RUBCNL: variants seen among roughly 807,000 people sequenced by gnomAD.
RUBCNL encodes the protein protein associated with UVRAG as autophagy enhancer.
Under a neutral mutation model 69.5 loss-of-function variants are expected in RUBCNL, and 62 were observed. The observed-to-expected ratio is 0.89, with a 90% CI of 0.73 to 1.10. The LOEUF (loss-of-function observed/expected upper bound fraction) is 1.10, where lower values mean the gene tolerates loss of function less well. Among genes scored for constraint, RUBCNL ranks in the 50% least tolerant of loss-of-function variants. The pLI is 0.00. For missense variants in RUBCNL, 768 were observed against 798.1 expected (o/e 0.96, Z 0.45); for synonymous variants, 291 against 303.6 (o/e 0.96, Z 0.43).
chr13:46,351,169 G>A (rs1483673207), intron 10 of RUBCNL, among the ~76,000 whole-genome samples: 1 of 152,116 alleles, frequency 6.6e-6, no homozygotes, highest in African/African-American at 2.4e-5. Flanking sequence ...GGAGGCTAAG[G>A]CAGGAGGATT....
Position 46,340,864 on chromosome 13 carries a change from C to T in RUBCNL, c.*2521G>A, listed in dbSNP as rs1005616446. 1.3e-5 allele frequency among the ~76,000 whole-genome samples: 2 copies of T among 152,166 alleles called. No individual in the cohort carries two copies. The highest frequency in any genetic ancestry group is 2.9e-5 in the Non-Finnish European group (2 of 68,022). On this transcript the variant is annotated 3_prime_UTR_variant, in exon 15 of 15. Coordinates refer to ENST00000429979, the MANE Select transcript of RUBCNL (RefSeq NM_025113.5). ...GCCACCAAGCTATTCTTGAGGGATC[C>T]ACCCGCATGACCCAAACACCTCTTA...
upstream of RUBCNL, chr13:46,387,535 G>A (rs115411822): frequency 1.7e-3 from 1,669 of 985,586 alleles, 29 homozygotes; most frequent in African/African-American, 0.028. Context: ...ACGCAACGAC[G>A]CTTTCAGGGG....
chr13:46,372,617 A>T lies in RUBCNL; in HGVS notation c.-122-20T>A. 7.0e-7 allele frequency: 1 copy of T among 1,431,052 alleles called. No individual in the cohort carries two copies. The highest frequency in any genetic ancestry group is 9.1e-7 in the Non-Finnish European group (1 of 1,096,190). 88.6% of individuals were successfully genotyped at this position (1,431,052 alleles called of 1,614,324 possible). ...GCTATTCTGCAATGAGCAAGGAATC[A>T]TTCAAAATAAGTAAGAATTCAATTG... On this transcript the variant is annotated intron_variant, in intron 2 of 14. Coordinates refer to ENST00000429979, the MANE Select transcript of RUBCNL (RefSeq NM_025113.5).
intron 9 of RUBCNL, 107 bp downstream of exon 9, chr13:46,359,379 T>G: frequency 8.1e-6 from 7 of 866,434 alleles, no homozygotes; most frequent in Non-Finnish European, 9.6e-6. Context: ...AATTTTCCTG[T>G]GTTCTTTAGC....
In RUBCNL at chr13:46,343,508, G is replaced by A; in HGVS notation, c.1877-11C>T. 1 of 1,610,922 alleles carries A rather than the reference G, an allele frequency of 6.2e-7. No homozygotes were observed. Reference sequence around the variant, plus strand: ...AGCAAGCCCTGCACGCTGCAAGCAAGGAAGAGAGCCGTTAGCAAACGGTCT... The same window carrying A: ...AGCAAGCCCTGCACGCTGCAAGCAAAGAAGAGAGCCGTTAGCAAACGGTCT... On this transcript the variant is annotated splice_polypyrimidine_tract_variant and intron_variant, in intron 14 of 14. Coordinates refer to ENST00000429979, the MANE Select transcript of RUBCNL (RefSeq NM_025113.5).
chr13:46,377,529 G>T (rs563589474), intron 2 of RUBCNL, among the ~76,000 whole-genome samples: 1 of 152,178 alleles, frequency 6.6e-6, no homozygotes, highest in South Asian at 2.1e-4. Flanking sequence ...CTTCCAAAGC[G>T]CTGGATTGCA....
intron 13 of RUBCNL, among the ~76,000 whole-genome samples, 177 bp downstream of exon 13, chr13:46,345,270 C>A (rs931827439): frequency 6.6e-6 from 1 of 152,230 alleles, no homozygotes; most frequent in African/African-American, 2.4e-5. Context: ...GGCTCTGCCA[C>A]TTACCAGCAG....
chr13:46,387,541 AG>A, upstream of RUBCNL: 3 of 985,616 alleles, frequency 3.0e-6, no homozygotes, highest in Non-Finnish European at 3.6e-6. Context: ...CGACGCTTTC[AG>A]GGGTCAAAGA....
intron 1 of RUBCNL, 63 bp from the exon 2 acceptor site, chr13:46,378,068 C>T (rs1241141836): frequency 1.5e-5 from 13 of 851,866 alleles, no homozygotes; most frequent in Non-Finnish European, 2.1e-5. Context: ...TTACTTGTTG[C>T]CATATTGTTT....
In RUBCNL at chr13:46,359,589, T is replaced by C. The variant is rs912543941; in HGVS notation, c.1162A>G (p.Met388Val). 12 of 1,593,152 alleles carry C rather than the reference T, an allele frequency of 7.5e-6. No homozygotes were observed. Among genetic ancestry groups the C allele is most frequent in the Non-Finnish European group, 1.0e-5 (12 of 1,168,794 alleles). Reference sequence around the variant, plus strand: ...AATTTAATTTCCTGTACTACATTCATACTGGATTCAAAGTCTTTTCGGACA... The same window carrying C: ...AATTTAATTTCCTGTACTACATTCACACTGGATTCAAAGTCTTTTCGGACA... ...ECVRKDFESS[M>V]NVVQEIKFKS... Residue 388 changes from methionine to valine, a missense_variant, in exon 9 of 15, where the codon ATG (methionine) becomes GTG (valine). Met to Val is a conservative substitution (Grantham distance 21). Coordinates refer to ENST00000429979, the MANE Select transcript of RUBCNL (RefSeq NM_025113.5).
At chr13:46,371,843 G>T in intron 3 of RUBCNL, 98 bp downstream of exon 3, 3 of 1,238,918 alleles carry the variant, frequency 2.4e-6, no homozygotes, top group African/African-American at 1.5e-5. Context: ...ATGAGGCAAT[G>T]CATTGTCCCA....
intron 1 of RUBCNL, among the ~76,000 whole-genome samples, chr13:46,384,579 T>C (rs1446311110): frequency 1.3e-5 from 2 of 152,166 alleles, no homozygotes; most frequent in African/African-American, 4.8e-5. Context: ...AAAAAAAACG[T>C]TGAGGTCTAA....
In RUBCNL at chr13:46,343,194, T is replaced by C. The variant is rs112216638; in HGVS notation, c.*191A>G. On this transcript the variant is annotated 3_prime_UTR_variant, in exon 15 of 15. Transcript: ENST00000429979. ...GAACATTTGTAAACAAAACCACAAC[T>C]ATCAGCCCTGTGCTTAAACACAGAA... 4.4e-6 allele frequency: 4 copies of C among 916,904 alleles called. No homozygotes were observed. Among genetic ancestry groups the C allele is most frequent in the African/African-American group, 1.7e-5 (1 of 59,708 alleles). The allele number at this position is 916,904 out of a possible 1,614,324, so 56.8% of individuals were successfully genotyped here.
rs1385549172 is a variant in RUBCNL at position 46,341,644 on chromosome 13, T to C, written c.*1741A>G. 1.3e-5 allele frequency among the ~76,000 whole-genome samples: 2 copies of C among 152,208 alleles called. No homozygotes were observed. The highest frequency in any genetic ancestry group is 2.4e-5 in the African/African-American group (1 of 41,450). On this transcript the variant is annotated 3_prime_UTR_variant, in exon 15 of 15. Transcript: ENST00000429979. ...AGCCCTTCAAGCAATGCTTGAGCCA[T>C]AGCAGCTGCCTTAAATCAACACTGA...
chr13:46,377,947 A>G lies in RUBCNL; in HGVS notation c.-180T>C, dbSNP rs776541605. On this transcript the variant is annotated 5_prime_UTR_variant, in exon 2 of 15. Transcript: ENST00000429979. ...ACACAGAGGAGAAAGTAATGATTGGAAACCATCAAAGTCCATGCAGTAGTG... is the reference window on the plus strand; with the variant it reads ...ACACAGAGGAGAAAGTAATGATTGGGAACCATCAAAGTCCATGCAGTAGTG... 7 of 1,609,298 alleles carry G rather than the reference A, an allele frequency of 4.3e-6. 1 individual carries two copies. The East Asian group carries it at 1.6e-4, about 36-fold the overall frequency.
chr13:46,362,459 T>G, intron 7 of RUBCNL, 79 bp downstream of exon 7: 1 of 819,150 alleles, frequency 1.2e-6, no homozygotes, highest in Non-Finnish European at 1.9e-6. Context: ...GGGCCCAGAA[T>G]GTCAGAGGCC....
chr13:46,345,226 C>T (rs2138670204), intron 13 of RUBCNL, among the ~76,000 whole-genome samples: 1 of 152,286 alleles, frequency 6.6e-6, no homozygotes. Flanking sequence ...AACTGGGCAC[C>T]CAGATGAAGT....
chr13:46,384,417 T>C (rs1052523159), intron 1 of RUBCNL, among the ~76,000 whole-genome samples: 3 of 152,300 alleles, frequency 2.0e-5, no homozygotes, highest in Admixed American at 2.0e-4. Flanking sequence ...AATAATACAA[T>C]ACCTTTGAAT....
Position 46,362,597 on chromosome 13 carries a change from C to A in RUBCNL, c.927G>T (p.Glu309Asp). 1.2e-6 allele frequency: 2 copies of A among 1,605,100 alleles called. No homozygotes were observed. The highest frequency in any genetic ancestry group is 1.9e-4 in the Middle Eastern group (1 of 5,214). ...KCDVDEFVIL[E>D]LGDFNDITET... ...CTGTGATATCATTAAAATCTCCAAG[C>A]TCTGTGGGAAAATAAAAGAAAGAGT... Residue 309 changes from glutamate (E) to aspartate (D), a missense_variant and splice_region_variant, in exon 7 of 15, where the codon GAG becomes GAT. Coordinates refer to ENST00000429979, the MANE Select transcript of RUBCNL (RefSeq NM_025113.5).
Sources: allele counts gnomAD v4.1 joint callset (sites outside exome capture counted in the v4.1 genomes callset), GRCh38; gene constraint gnomAD v4.1.1; transcripts MANE v1.5; gene names NCBI Gene and HGNC (gene_info 2026-07-23, HGNC 2026-07-21).